Variants in RGS7 observed in about 807,000 individuals in gnomAD.
RGS7 encodes the protein regulator of G protein signaling 7.
A neutral mutation model predicts 81.1 loss-of-function variants in RGS7; 27 were observed. The observed-to-expected ratio is 0.33, with a 90% CI of 0.25 to 0.46. RGS7 has a LOEUF of 0.46. Ranked by LOEUF, RGS7 falls within the 20% of genes least tolerant of loss-of-function variation. RGS7 has a pLI of 1.00. For synonymous variants in RGS7, 208 were observed against 207.7 expected (o/e 1.00, Z -0.01); for missense variants, 396 against 607.4 (o/e 0.65, Z 3.66).
chr1:241,031,677 G>A (rs1160118115), intron 3 of RGS7, among the ~76,000 whole-genome samples: 1 of 152,122 alleles, frequency 6.6e-6, no homozygotes, highest in Non-Finnish European at 1.5e-5. Context: ...TCAGACTGGT[G>A]TAAGATGATA....
chr1:241,095,203 G>A (rs553093117), intron 3 of RGS7, among the ~76,000 whole-genome samples: 1 of 152,240 alleles, frequency 6.6e-6, no homozygotes, highest in African/African-American at 2.4e-5. Flanking sequence ...TTCTCTGGGT[G>A]CATTTTAAGG....
intron 2 of RGS7, among the ~76,000 whole-genome samples, chr1:241,181,010 A>C (rs1342297943): frequency 6.6e-6 from 1 of 152,238 alleles, no homozygotes; most frequent in African/African-American, 2.4e-5. Context: ...AAAGGCAAAA[A>C]TATGGAGACA....
intron 4 of RGS7, among the ~76,000 whole-genome samples, chr1:240,950,825 C>T (rs905259221): frequency 6.6e-6 from 1 of 152,160 alleles, no homozygotes; most frequent in African/African-American, 2.4e-5. Context: ...CCACAGCAAA[C>T]ATTAAGCACG....
At chr1:240,869,226 G>A (rs552974188) in intron 7 of RGS7, among the ~76,000 whole-genome samples, 66 of 152,120 alleles carry the variant, frequency 4.3e-4, no homozygotes, top group Non-Finnish European at 5.7e-4. Context: ...TTCCTACTAC[G>A]CATGCAATCA....
intron 2 of RGS7, among the ~76,000 whole-genome samples, chr1:241,217,221 T>C (rs972722979): frequency 5.3e-5 from 8 of 152,080 alleles, no homozygotes; most frequent in South Asian, 2.1e-4. Context: ...GGAAAGGCCA[T>C]GTGAGGATAT....
intron 2 of RGS7, among the ~76,000 whole-genome samples, chr1:241,219,551 T>A (rs372513152): frequency 1.4e-4 from 21 of 152,264 alleles, no homozygotes; most frequent in Middle Eastern, 3.4e-3. Context: ...CGAGTCACAG[T>A]CTGAGATGGT....
At chr1:240,935,534 C>T (rs1051339776) in intron 5 of RGS7, among the ~76,000 whole-genome samples, 2 of 152,146 alleles carry the variant, frequency 1.3e-5, no homozygotes, top group Non-Finnish European at 2.9e-5. Context: ...AGCTTTATTT[C>T]CTCCTAGCTC....
intron 6 of RGS7, chr1:240,920,048 G>T: frequency 9.3e-7 from 1 of 1,079,570 alleles, no homozygotes; most frequent in Admixed American, 1.7e-5. Flanking sequence ...AAATTGAAGG[G>T]ATTGAAATCA....
chr1:241,177,265 C>A (rs1299597916), intron 2 of RGS7, among the ~76,000 whole-genome samples: 3 of 151,774 alleles, frequency 2.0e-5, no homozygotes, highest in Non-Finnish European at 4.4e-5. Flanking sequence ...TGAGCAGACA[C>A]TGGAGTGACG....
intron 18 of RGS7, among the ~76,000 whole-genome samples, chr1:240,798,771 G>A (rs1287000583): frequency 6.6e-6 from 1 of 152,142 alleles, no homozygotes; most frequent in African/African-American, 2.4e-5. Flanking sequence ...GATATTCAAT[G>A]AATGTGAGTT....
At chr1:241,109,770 G>T (rs1008305680) in intron 2 of RGS7, among the ~76,000 whole-genome samples, 9 of 151,812 alleles carry the variant, frequency 5.9e-5, no homozygotes, top group African/African-American at 2.2e-4. Flanking sequence ...CCAGCCTGAC[G>T]AACATGGTGA....
intron 2 of RGS7, among the ~76,000 whole-genome samples, chr1:241,207,340 T>TACATACATACATACAGG (rs2073977216): frequency 6.6e-6 from 1 of 150,872 alleles, no homozygotes; most frequent in Non-Finnish European, 1.5e-5. Context: ...AGTATGCACT[T>TACATACATACATACAGG]TAAAATGCAT....
chr1:240,777,792 T>C (rs1370458971), intron 18 of RGS7, among the ~76,000 whole-genome samples: 1 of 152,160 alleles, frequency 6.6e-6, no homozygotes, highest in African/African-American at 2.4e-5. Context: ...CTCCTGTTCA[T>C]AAGGGCTTCA....
At chr1:241,107,125 C>T (rs2065174195) in intron 2 of RGS7, among the ~76,000 whole-genome samples, 1 of 152,114 alleles carries the variant, frequency 6.6e-6, no homozygotes, top group Non-Finnish European at 1.5e-5. Flanking sequence ...CATAAGCAGC[C>T]CGCCTTTAGG....
chr1:240,895,335 A>G (rs1401966110), intron 6 of RGS7, among the ~76,000 whole-genome samples: 1 of 151,642 alleles, frequency 6.6e-6, no homozygotes, highest in Admixed American at 6.6e-5. Context: ...CAGGTGCACA[A>G]TGTGCAGGTT....
At chr1:240,811,772 C>A in intron 14 of RGS7, 146 bp downstream of exon 14, 1 of 767,252 alleles carries the variant, frequency 1.3e-6, no homozygotes, top group Non-Finnish European at 2.2e-6. Context: ...TATCTCTTTT[C>A]CCTTCATTAG....
intron 9 of RGS7, among the ~76,000 whole-genome samples, chr1:240,834,916 CCACACACA>C (rs67071227): frequency 0.022 from 3,154 of 144,594 alleles, 74 homozygotes; most frequent in African/African-American, 0.067. Context: ...ACCTTACACT[CCACACACA>C]CACACACACA....
chr1:240,823,216 T>A (rs1332791468), intron 10 of RGS7: 3 of 814,974 alleles, frequency 3.7e-6, no homozygotes, highest in Non-Finnish European at 6.4e-6. Context: ...CTTCTTCGTA[T>A]TCTTGTGGTA....
intron 4 of RGS7, among the ~76,000 whole-genome samples, chr1:240,965,048 T>A (rs1367367629): frequency 1.3e-5 from 2 of 152,234 alleles, no homozygotes; most frequent in African/African-American, 4.8e-5. Context: ...AACAAGTTAA[T>A]GTTTCAACTT....
Sources: gnomAD v4.1 joint callset for allele counts (sites outside exome capture counted in the v4.1 genomes callset) on GRCh38, gnomAD v4.1.1 for gene constraint, MANE v1.5 for transcripts, NCBI Gene and HGNC (gene_info 2026-07-23, HGNC 2026-07-21) for gene names.